NUMB: variants seen among roughly 807,000 people sequenced by gnomAD.
The protein encoded by NUMB is NUMB endocytic adaptor protein, also known as protein numb homolog.
In NUMB, 29 loss-of-function variants were observed where a neutral mutation model predicts 59.7. The ratio of observed to expected loss-of-function variants is 0.49; its 90% CI spans 0.36 to 0.66. NUMB has a LOEUF of 0.66. NUMB is among the 30% of genes least tolerant of loss of function. The pLI is 0.00. For synonymous variants in NUMB, 288 were observed against 288.2 expected (o/e 1.00, Z 0.01); for missense variants, 723 against 822.0 (o/e 0.88, Z 1.47).
intron 6 of NUMB, among the ~76,000 whole-genome samples, chr14:73,303,912 C>A (rs1239576557): frequency 6.6e-6 from 1 of 152,050 alleles, no homozygotes; most frequent in African/African-American, 2.4e-5. Flanking sequence ...ATAACTTTCT[C>A]AAGTAATTAC....
intron 6 of NUMB, among the ~76,000 whole-genome samples, chr14:73,311,913 T>C (rs1423775480): frequency 6.6e-6 from 1 of 152,212 alleles, no homozygotes; most frequent in African/African-American, 2.4e-5. Flanking sequence ...AATTAAGTGA[T>C]GGCAACTTGA....
At chr14:73,428,538 A>T (rs1351458366) in intron 1 of NUMB, among the ~76,000 whole-genome samples, 1 of 152,214 alleles carries the variant, frequency 6.6e-6, no homozygotes, top group Non-Finnish European at 1.5e-5. Context: ...TCGTGTCTGT[A>T]ATCCCAGCGC....
chr14:73,379,686 G>C (rs1895136482), intron 2 of NUMB, among the ~76,000 whole-genome samples: 1 of 152,212 alleles, frequency 6.6e-6, no homozygotes, highest in Admixed American at 6.5e-5. Flanking sequence ...ATAGGTGGAA[G>C]AGAGCACTCC....
At chr14:73,421,423 C>T (rs148150687) in intron 1 of NUMB, among the ~76,000 whole-genome samples, 6 of 152,232 alleles carry the variant, frequency 3.9e-5, no homozygotes, top group Middle Eastern at 3.4e-3. Context: ...AGGTGGTCCA[C>T]CTGCCTCAGC....
intron 1 of NUMB, among the ~76,000 whole-genome samples, chr14:73,454,892 G>C (rs1288226522): frequency 6.6e-6 from 1 of 152,094 alleles, no homozygotes; most frequent in East Asian, 1.9e-4. Context: ...ATTTGGTGTA[G>C]AACTGAATGA....
chr14:73,402,342 A>C (rs764954871), intron 2 of NUMB, among the ~76,000 whole-genome samples: 3 of 152,224 alleles, frequency 2.0e-5, no homozygotes, highest in Non-Finnish European at 4.4e-5. Flanking sequence ...ATCCTAAAAC[A>C]TAAAAATAAT....
At chr14:73,384,380 C>T (rs1895394284) in intron 2 of NUMB, among the ~76,000 whole-genome samples, 1 of 151,866 alleles carries the variant, frequency 6.6e-6, no homozygotes, top group Non-Finnish European at 1.5e-5. Context: ...TGAGCCACCT[C>T]ACCTGGCTTA....
intron 5 of NUMB, among the ~76,000 whole-genome samples, chr14:73,320,005 A>C (rs1397711591): frequency 1.3e-5 from 2 of 151,832 alleles, no homozygotes; most frequent in Non-Finnish European, 2.9e-5. Flanking sequence ...GGTGGCGGGC[A>C]CCTGTAATCC....
rs1317763548 is a variant in NUMB at position 73,313,153 on chromosome 14, A to AT, written c.234+3236dup. On this transcript the variant is annotated intron_variant, in intron 6 of 12. Transcript: ENST00000555238. ...AGGTGTGTGCCACCATGCCCAGCTA[A>AT]TTTTTTTTGTATTTTCAGTAGAGAA... 7.3e-5 allele frequency among the ~76,000 whole-genome samples: 11 copies of AT among 151,480 alleles called. No individual in the cohort carries two copies. In the South Asian group the frequency reaches 1.3e-3, roughly 17 times the overall value.
chr14:73,398,319 A>G (rs1163076911), intron 2 of NUMB, among the ~76,000 whole-genome samples: 2 of 152,132 alleles, frequency 1.3e-5, no homozygotes, highest in East Asian at 3.8e-4. Context: ...TTGTGAAAGG[A>G]AAAAATGTAA....
intron 12 of NUMB, among the ~76,000 whole-genome samples, chr14:73,278,056 A>C (rs185169998): frequency 9.3e-4 from 131 of 141,566 alleles, no homozygotes; most frequent in African/African-American, 2.8e-3. Context: ...AAAAAAAAAA[A>C]AAAAAAAAAA....
chr14:73,287,073 TG>T, intron 9 of NUMB, 36 bp downstream of exon 9: 1 of 1,589,724 alleles, frequency 6.3e-7, no homozygotes, highest in Non-Finnish European at 8.6e-7. Context: ...TGGGAAAAAC[TG>T]CATTCCATAA....
intron 1 of NUMB, among the ~76,000 whole-genome samples, chr14:73,421,917 T>C (rs904351019): frequency 6.6e-6 from 1 of 152,058 alleles, no homozygotes; most frequent in African/African-American, 2.4e-5. Context: ...GGTGGGTGGA[T>C]CATTTCAGGT....
At chr14:73,352,505 TATATATATATATATATATA>T (rs1893417648) in intron 4 of NUMB, among the ~76,000 whole-genome samples, 2 of 15,168 alleles carry the variant, frequency 1.3e-4, no homozygotes, top group Non-Finnish European at 2.0e-4. Flanking sequence ...TATATATATA[TATATATATATATATATATA>T]TATATGTTTT....
At chr14:73,385,530 C>A (rs1216899072) in intron 2 of NUMB, among the ~76,000 whole-genome samples, 46 of 87,398 alleles carry the variant, frequency 5.3e-4, no homozygotes, top group Admixed American at 2.7e-3. Context: ...GAGATTGGGT[C>A]TTGCTCTGTA....
At chr14:73,374,300 T>G (rs921830237) in intron 2 of NUMB, among the ~76,000 whole-genome samples, 1 of 152,168 alleles carries the variant, frequency 6.6e-6, no homozygotes, top group Non-Finnish European at 1.5e-5. Context: ...GGATTACAGG[T>G]GTGAGCTACT....
At chr14:73,441,015 G>C (rs1310696331) in intron 1 of NUMB, among the ~76,000 whole-genome samples, 1 of 150,674 alleles carries the variant, frequency 6.6e-6, no homozygotes, top group Non-Finnish European at 1.5e-5. Flanking sequence ...AAAGTGAAAA[G>C]ACAGCTCACA....
Position 73,294,192 on chromosome 14 carries a change from G to C in NUMB, c.310-1318C>G, listed in dbSNP as rs190733621. ...ATGGAAAACTCTTATCTTTTGAACA[G>C]CACCTCAGACATCAGGGCGTTTTTG... On this transcript the variant is annotated intron_variant, in intron 7 of 12. Coordinates refer to ENST00000555238, the MANE Select transcript of NUMB (RefSeq NM_001005743.2). 2.9e-3 allele frequency among the ~76,000 whole-genome samples: 447 copies of C among 152,246 alleles called. 3 individuals carry two copies. The highest frequency in any genetic ancestry group is 0.01 in the African/African-American group (422 of 41,554).
intron 1 of NUMB, among the ~76,000 whole-genome samples, chr14:73,455,261 G>T (rs1181562491): frequency 6.6e-6 from 1 of 152,100 alleles, no homozygotes; most frequent in Non-Finnish European, 1.5e-5. Context: ...CTGGATTAAA[G>T]ATTTTAAAGA....
Sources: allele counts gnomAD v4.1 joint callset (sites outside exome capture counted in the v4.1 genomes callset), GRCh38; gene constraint gnomAD v4.1.1; transcripts MANE v1.5; gene names NCBI Gene and HGNC (gene_info 2026-07-23, HGNC 2026-07-21).